The following KIAA1217 variants were observed in gnomAD, a reference collection of about 807,000 sequenced individuals.
KIAA1217 encodes sickle tail protein homolog.
In KIAA1217, 88 loss-of-function variants were observed where a neutral mutation model predicts 163.9. The observed-to-expected ratio is 0.54, with a 90% CI of 0.45 to 0.64. The LOEUF (loss-of-function observed/expected upper bound fraction) is 0.64, where lower values mean the gene tolerates loss of function less well. KIAA1217 is among the 30% of genes least tolerant of loss of function. The pLI is 0.00. For missense variants in KIAA1217, 2,372 were observed against 2,475.0 expected (o/e 0.96, Z 0.88); for synonymous variants, 903 against 923.1 (o/e 0.98, Z 0.39).
chr10:24,465,321 G>A (rs960555504), intron 5 of KIAA1217, among the ~76,000 whole-genome samples: 4 of 152,152 alleles, frequency 2.6e-5, no homozygotes, highest in African/African-American at 7.2e-5. Context: ...GCAATGTCAC[G>A]TGCTCCATTT....
At chr10:24,496,169 GT>G (rs1224460822) in intron 8 of KIAA1217, among the ~76,000 whole-genome samples, 2 of 152,254 alleles carry the variant, frequency 1.3e-5, no homozygotes, top group African/African-American at 2.4e-5. Flanking sequence ...GGGGACTTCA[GT>G]TTAGGGCTCT....
intron 2 of KIAA1217, among the ~76,000 whole-genome samples, chr10:24,220,284 T>TG (rs2069403510): frequency 1.3e-5 from 2 of 152,290 alleles, no homozygotes; most frequent in Admixed American, 1.3e-4. Context: ...CCGTGTACCC[T>TG]GAAAGCACGG....
At chr10:24,365,216 G>A (rs552761372) in intron 2 of KIAA1217, among the ~76,000 whole-genome samples, 5 of 152,236 alleles carry the variant, frequency 3.3e-5, no homozygotes, top group African/African-American at 9.6e-5. Context: ...TTCCTCTGAT[G>A]AGGGTCACCT....
chr10:23,876,190 G>A (rs1419236537), intron 1 of KIAA1217, among the ~76,000 whole-genome samples: 1 of 151,902 alleles, frequency 6.6e-6, no homozygotes, highest in Non-Finnish European at 1.5e-5. Flanking sequence ...CAACATGGAT[G>A]CAGCTGGATG....
At chr10:24,542,816 G>A in intron 18 of KIAA1217, 46 bp downstream of exon 18, 1 of 1,611,636 alleles carries the variant, frequency 6.2e-7, no homozygotes, top group Non-Finnish European at 8.5e-7. Flanking sequence ...TGCACATTAA[G>A]TACCTGCCTC....
intron 1 of KIAA1217, among the ~76,000 whole-genome samples, chr10:23,941,346 G>A (rs986078698): frequency 6.6e-6 from 1 of 152,170 alleles, no homozygotes; most frequent in African/African-American, 2.4e-5. Context: ...TAATGTAATA[G>A]CAAGTATAAC....
At chr10:24,199,135 C>A (rs2067128267) in intron 2 of KIAA1217, among the ~76,000 whole-genome samples, 1 of 145,386 alleles carries the variant, frequency 6.9e-6, no homozygotes, top group Non-Finnish European at 1.6e-5. Context: ...GTTGGGAGGA[C>A]CACTTGAGCC....
intron 2 of KIAA1217, among the ~76,000 whole-genome samples, chr10:24,040,405 T>G (rs1456898091): frequency 6.6e-6 from 1 of 152,178 alleles, no homozygotes; most frequent in South Asian, 2.1e-4. Flanking sequence ...GAAAGGCGAC[T>G]GCTAATATGA....
At chr10:23,839,725 C>A (rs1242238925) in intron 1 of KIAA1217, among the ~76,000 whole-genome samples, 1 of 152,152 alleles carries the variant, frequency 6.6e-6, no homozygotes, top group Non-Finnish European at 1.5e-5. Context: ...ACTATCGCCT[C>A]TCCATCTCTG....
chr10:24,037,047 C>A (rs1230143861), intron 2 of KIAA1217, among the ~76,000 whole-genome samples: 2 of 152,152 alleles, frequency 1.3e-5, no homozygotes, highest in African/African-American at 4.8e-5. Flanking sequence ...AGGCTGTCAC[C>A]AGCACATGCA....
At chr10:24,504,124 G>T (rs1212750403) in intron 9 of KIAA1217, among the ~76,000 whole-genome samples, 2 of 152,138 alleles carry the variant, frequency 1.3e-5, no homozygotes, top group Admixed American at 1.3e-4. Context: ...CACTTGTCTC[G>T]CCTTGCAACC....
rs151081507 is a variant in KIAA1217, at chr10:24,173,092, G to T, written c.-170-46534G>T. Among the ~76,000 whole-genome samples, 297 of 152,248 alleles carry T rather than the reference G, an allele frequency of 2.0e-3. 2 individuals are homozygous for T. The highest frequency in any genetic ancestry group is 6.4e-3 in the African/African-American group (265 of 41,556). ...TGAAGTTTCATCTGTATTTGCAGCC[G>T]CTCCCTATCACTCGCATTACCTCCT... On this transcript the variant is annotated intron_variant, in intron 2 of 18. Transcript: ENST00000376462.
At chr10:23,821,353 A>G (rs1335801842) in intron 1 of KIAA1217, among the ~76,000 whole-genome samples, 1 of 152,142 alleles carries the variant, frequency 6.6e-6, no homozygotes, top group Non-Finnish European at 1.5e-5. Flanking sequence ...AATACAGCAC[A>G]AGAATAAAGC....
chr10:23,819,127 A>C (rs2131007667), intron 1 of KIAA1217, among the ~76,000 whole-genome samples: 1 of 152,334 alleles, frequency 6.6e-6, no homozygotes, highest in South Asian at 2.1e-4. Flanking sequence ...TCTGTGGAAA[A>C]GGGTGCTGAT....
chr10:24,209,360 G>GAAAA, intron 1 of KIAA1217, 97 bp downstream of exon 1: 18 of 584,400 alleles, frequency 3.1e-5, no homozygotes, highest in South Asian at 7.2e-5. Flanking sequence ...CCCGGCAAAG[G>GAAAA]AAAAAAAAAA....
chr10:24,098,493 C>T (rs570063860), intron 2 of KIAA1217, among the ~76,000 whole-genome samples: 6 of 152,228 alleles, frequency 3.9e-5, no homozygotes, highest in African/African-American at 1.4e-4. Flanking sequence ...GGAGAAGGGT[C>T]TACTCAGCTA....
At chr10:24,484,241 A>ATATATATATATATATTTTTTTTTTTTT (rs1376083298) in intron 6 of KIAA1217, among the ~76,000 whole-genome samples, 2 of 75,154 alleles carry the variant, frequency 2.7e-5, no homozygotes, top group Non-Finnish European at 5.0e-5. Context: ...ATATATATAT[A>ATATATATATATATATTTTTTTTTTTTT]TTTTTTTTTT....
At position 24,546,278 on chromosome 10, in the gene KIAA1217, G is replaced by A; in HGVS notation, c.5786G>A (p.Gly1929Glu). ...CTCACCAGCTACAAGGCACAGAATG[G>A]AAGTTCAAGCAAAGCCACCCCATCC... The part of the protein sequence containing the change: ...PSLTSYKAQN[G>E]SSSKATPSTA... The change falls in exon 21 of 21, where the codon GGA becomes GAA. Residue 1929 changes from glycine to glutamate, a missense_variant. Physicochemically the swap from Gly to Glu is moderately conservative, Grantham distance 98. Around this residue, in one of 3 missense-constraint regions of KIAA1217, gnomAD observed 690 missense variants for 677.5 expected, o/e 1.02. Coordinates refer to ENST00000376454, the MANE Select transcript of KIAA1217 (RefSeq NM_019590.5). The A allele has an allele frequency of 6.2e-7, 1 of 1,613,052 alleles. No individual in the cohort carries two copies. Among genetic ancestry groups the A allele is most frequent in the Non-Finnish European group, 8.5e-7 (1 of 1,179,376 alleles).
At chr10:24,459,222 T>C (rs1189107425) in intron 5 of KIAA1217, among the ~76,000 whole-genome samples, 1 of 152,170 alleles carries the variant, frequency 6.6e-6, no homozygotes, top group Non-Finnish European at 1.5e-5. Context: ...AGTTCCTGCC[T>C]GGAATACCTA....
Sources: gnomAD v4.1 joint callset for allele counts (sites outside exome capture counted in the v4.1 genomes callset) on GRCh38, gnomAD v4.1.1 for gene constraint, gnomAD v4.1.1 regional missense constraint, MANE v1.5 for transcripts, NCBI Gene and HGNC (gene_info 2026-07-23, HGNC 2026-07-21) for gene names.